Variants in CNTN5 observed in about 807,000 individuals in gnomAD.
CNTN5 encodes contactin 5.
In CNTN5, 77 loss-of-function variants were observed where a neutral mutation model predicts 129.1. That is an observed-to-expected ratio of 0.60 (90% CI 0.50 to 0.72). The LOEUF is 0.72. Among genes scored for constraint, CNTN5 ranks in the 30% least tolerant of loss-of-function variants. The pLI is 0.00. For missense variants in CNTN5, 1,478 were observed against 1,328.8 expected (o/e 1.11, Z -1.75); for synonymous variants, 509 against 465.6 (o/e 1.09, Z -1.20).
chr11:99,362,485 TAAA>T (rs1485325929), intron 2 of CNTN5, among the ~76,000 whole-genome samples: 1 of 152,004 alleles, frequency 6.6e-6, no homozygotes, highest in Non-Finnish European at 1.5e-5. Flanking sequence ...TTAATTTTGA[TAAA>T]AAACAATTTA....
intron 1 of CNTN5, among the ~76,000 whole-genome samples, chr11:99,220,484 G>T (rs1860343974): frequency 6.6e-6 from 1 of 151,788 alleles, no homozygotes; most frequent in Non-Finnish European, 1.5e-5. Flanking sequence ...TTAAATGCAT[G>T]ATACTCCTTG....
At chr11:99,799,817 A>G (rs867539414) in intron 3 of CNTN5, among the ~76,000 whole-genome samples, 1 of 152,026 alleles carries the variant, frequency 6.6e-6, no homozygotes, top group Admixed American at 6.6e-5. Flanking sequence ...ATTGGGTAGA[A>G]TTGGTACCAG....
intron 1 of CNTN5, among the ~76,000 whole-genome samples, chr11:99,268,902 G>T (rs890241462): frequency 9.9e-5 from 15 of 151,964 alleles, no homozygotes; most frequent in African/African-American, 3.6e-4. Flanking sequence ...GCTGTGAAAG[G>T]ATAGTAATCT....
chr11:99,965,534 A>G (rs540230672), intron 8 of CNTN5, among the ~76,000 whole-genome samples: 66 of 152,090 alleles, frequency 4.3e-4, no homozygotes, highest in African/African-American at 1.6e-3. Context: ...ACAGTTTGTT[A>G]TAATTTCTGT....
intron 2 of CNTN5, among the ~76,000 whole-genome samples, chr11:99,430,609 A>C (rs1943324550): frequency 6.6e-6 from 1 of 151,888 alleles, no homozygotes; most frequent in African/African-American, 2.4e-5. Flanking sequence ...ACAGACACAC[A>C]CATATGTATA....
At chr11:99,484,965 T>C (rs989215161) in intron 2 of CNTN5, among the ~76,000 whole-genome samples, 2 of 152,090 alleles carry the variant, frequency 1.3e-5, no homozygotes, top group African/African-American at 2.4e-5. Flanking sequence ...ACACAAGATA[T>C]TTGTTACAGC....
chr11:99,982,968 C>T (rs997236709), intron 8 of CNTN5, among the ~76,000 whole-genome samples: 1 of 152,096 alleles, frequency 6.6e-6, no homozygotes, highest in Admixed American at 6.5e-5. Context: ...ATGAGAGAAA[C>T]CTGTGGACCA....
intron 2 of CNTN5, among the ~76,000 whole-genome samples, chr11:99,334,302 C>T (rs12222055): frequency 6.6e-6 from 1 of 151,848 alleles, no homozygotes; most frequent in African/African-American, 2.4e-5. Flanking sequence ...AATTGACAGC[C>T]CCATAGTAGC....
chr11:99,546,127 G>T (rs895893208), intron 2 of CNTN5, among the ~76,000 whole-genome samples: 3 of 152,146 alleles, frequency 2.0e-5, no homozygotes, highest in African/African-American at 7.2e-5. Context: ...CTATTACTTT[G>T]TCACGTCTCT....
chr11:100,320,006 T>C (rs1240129315), intron 21 of CNTN5, among the ~76,000 whole-genome samples: 4 of 152,234 alleles, frequency 2.6e-5, no homozygotes, highest in Non-Finnish European at 5.9e-5. Flanking sequence ...GTGAATAGTG[T>C]TGCAATGAAC....
intron 18 of CNTN5, among the ~76,000 whole-genome samples, chr11:100,291,915 TC>T (rs1950989164): frequency 6.6e-6 from 1 of 151,932 alleles, no homozygotes; most frequent in South Asian, 2.1e-4. Flanking sequence ...AAAGGTTTTT[TC>T]TTCTCCCGCC....
chr11:100,183,504 G>T (rs747099516), intron 13 of CNTN5, among the ~76,000 whole-genome samples: 3 of 152,090 alleles, frequency 2.0e-5, no homozygotes, highest in Non-Finnish European at 4.4e-5. Context: ...TAGAGTAAAA[G>T]TATGTAATGT....
chr11:100,300,384 C>T (rs545438751), intron 20 of CNTN5, among the ~76,000 whole-genome samples: 34 of 151,462 alleles, frequency 2.2e-4, no homozygotes, highest in African/African-American at 7.7e-4. Context: ...GAAAAGACAG[C>T]CTTATGTTTC....
intron 6 of CNTN5, among the ~76,000 whole-genome samples, chr11:99,909,007 A>G (rs1027442599): frequency 2.0e-5 from 3 of 152,084 alleles, no homozygotes; most frequent in African/African-American, 7.2e-5. Flanking sequence ...TGAAAGTTTC[A>G]TTACAATTTG....
At chr11:99,684,557 T>C (rs183324360) in intron 3 of CNTN5, among the ~76,000 whole-genome samples, 1 of 152,040 alleles carries the variant, frequency 6.6e-6, no homozygotes, top group East Asian at 1.9e-4. Flanking sequence ...CTTTTCCTCT[T>C]TCTGAATCTT....
chr11:99,355,384 T>C (rs1938574398), intron 2 of CNTN5, among the ~76,000 whole-genome samples: 1 of 152,190 alleles, frequency 6.6e-6, no homozygotes, highest in African/African-American at 2.4e-5. Flanking sequence ...AAATGGACCC[T>C]GTGCTCTAAG....
intron 1 of CNTN5, among the ~76,000 whole-genome samples, chr11:99,151,196 T>C (rs1319581376): frequency 2.6e-5 from 4 of 152,160 alleles, no homozygotes; most frequent in Non-Finnish European, 2.9e-5. Context: ...GCGCCTGCTT[T>C]GTCAACTTTT....
intron 1 of CNTN5, among the ~76,000 whole-genome samples, chr11:99,221,192 T>A (rs1250394293): frequency 6.6e-6 from 1 of 151,928 alleles, no homozygotes; most frequent in Non-Finnish European, 1.5e-5. Flanking sequence ...TTTGATAATT[T>A]TTATTCATTT....
intron 15 of CNTN5, among the ~76,000 whole-genome samples, chr11:100,201,218 T>C (rs1948770331): frequency 6.6e-6 from 1 of 151,964 alleles, no homozygotes; most frequent in African/African-American, 2.4e-5. Flanking sequence ...CTTTCTGATA[T>C]ACATAACAAA....
Sources: gnomAD v4.1 joint callset for allele counts (sites outside exome capture counted in the v4.1 genomes callset) on GRCh38, gnomAD v4.1.1 for gene constraint, MANE v1.5 for transcripts, NCBI Gene and HGNC (gene_info 2026-07-23, HGNC 2026-07-21) for gene names.